Variants in TTN observed in about 807,000 individuals in gnomAD.
TTN encodes titin.
TTN carries 1,525 observed loss-of-function variants against 3,223.0 expected under a neutral mutation model. The ratio of observed to expected loss-of-function variants is 0.47; its 90% CI spans 0.45 to 0.49. The LOEUF (loss-of-function observed/expected upper bound fraction) is 0.49. TTN is among the 20% of genes least tolerant of loss of function. TTN has a pLI of 0.00. For missense variants in TTN, 40,786 were observed against 43,424.0 expected, an observed-to-expected ratio of 0.94 and a Z score of 5.40; for synonymous variants, 14,094 against 15,161.0, an observed-to-expected ratio of 0.93 and a Z score of 5.17.
In TTN at chr2:178,548,619, C is replaced by T. The variant is rs765552665; in HGVS notation, c.93007G>A (p.Gly31003Ser). The T allele has an allele frequency of 6.2e-7, 1 of 1,613,836 alleles. No homozygotes were observed. Among genetic ancestry groups the T allele is most frequent in the Non-Finnish European group, 8.5e-7 (1 of 1,179,800 alleles). Residue 31003 changes from glycine (G) to serine (S), a missense_variant, in exon 339 of 363, where the codon GGT becomes AGT. Coordinates refer to ENST00000589042, the MANE Select transcript of TTN (RefSeq NM_001267550.2). The surrounding 1 kb of genome is among the most constrained non-coding windows in gnomAD (Gnocchi z 4.3). ...ACGGTGAATGTGATTGACTTACTAC[C>T]ACTGTTGTTTTCCACAGTAAGGGTA... The part of the protein sequence containing the change: ...KYTLTVENNS[G>S]SKSITFTVKV...
At chr2:178,640,423 C>T in intron 221 of TTN, 118 bp downstream of exon 221, 1 of 928,540 alleles carries the variant, frequency 1.1e-6, no homozygotes, top group Non-Finnish European at 1.6e-6. Context: ...GAAAATTAAG[C>T]CATATGTGAT....
At chr2:178,596,458 G>A (rs1459422085) in intron 294 of TTN, among the ~76,000 whole-genome samples, 1 of 152,030 alleles carries the variant, frequency 6.6e-6, no homozygotes, top group African/African-American at 2.4e-5. Flanking sequence ...GAGTGGCATA[G>A]TCAGTTTCTA....
chr2:178,671,023 T>C (rs1445756422), intron 156 of TTN, 67 bp downstream of exon 156: 1 of 1,205,300 alleles, frequency 8.3e-7, no homozygotes, highest in Non-Finnish European at 1.2e-6. Flanking sequence ...TGCAAACTTG[T>C]GCTTATAAAG....
chr2:178,706,908 T>A lies in TTN; in HGVS notation c.29088A>T (p.Gly9696=). ...GAGGTTCTGACACAAAAAAGAGTCT[T>A]CCATCTACCGCAGCTTTCTTGGTTG... ...APATKKAAVD[G]RLFFVSEPQS... is the part of the protein sequence containing the mutation. Residue 9696 remains glycine (G), a synonymous_variant, in exon 101 of 363, where the codon GGA becomes GGT. Coordinates refer to ENST00000589042, the MANE Select transcript of TTN (RefSeq NM_001267550.2). 3 of 1,612,592 alleles carry A rather than the reference T, an allele frequency of 1.9e-6. No homozygotes were observed. The highest frequency in any genetic ancestry group is 2.5e-6 in the Non-Finnish European group (3 of 1,179,238).
rs766525114 is a variant in TTN, at chr2:178,689,358, T to C, written c.31943A>G (p.Lys10648Arg). 6.2e-7 allele frequency: 1 copy of C among 1,613,834 alleles called. No homozygotes were observed. The highest frequency in any genetic ancestry group is 1.7e-5 in the Admixed American group (1 of 60,006). The change falls in exon 124 of 363, where the codon AAG (lysine) becomes AGG (arginine). Residue 10648 changes from lysine (K) to arginine (R), a missense_variant. Transcript: ENST00000589042. ...SPPPAVPEIP[K>R]KKVPEERKPV... is the part of the protein sequence containing the mutation. ...TTTCCTTTCTTCAGGAACTTTCTTC[T>C]TTGGTATTTCTGGCACTTAAAGGAT...
Position 178,585,157 on chromosome 2 carries a change from C to T in TTN, c.64587G>A (p.Val21529=), listed in dbSNP as rs1060503969. Residue 21529 remains valine, a synonymous_variant, in exon 309 of 363, where the codon GTG becomes GTA. Coordinates refer to ENST00000589042, the MANE Select transcript of TTN (RefSeq NM_001267550.2). The stretch of plus-strand genomic sequence containing the variant: ...TGTAGTAACCACTGTCTTTCCTAGT[C>T]ACATCTTTTATGATCAGAATTGAAG... The part of the protein sequence containing the change: ...DSSSILIIKD[V]TRKDSGYYSL... 17 of 1,613,258 alleles carry T rather than the reference C, an allele frequency of 1.1e-5. No homozygotes were observed. The highest frequency in any genetic ancestry group is 1.7e-5 in the Admixed American group (1 of 59,984).
At position 178,577,111 on chromosome 2, in the gene TTN, T is replaced by G; in HGVS notation, c.69224A>C (p.Tyr23075Ser). 1 of 1,613,160 alleles carries G rather than the reference T, an allele frequency of 6.2e-7. No individual in the cohort carries two copies. The highest frequency in any genetic ancestry group is 8.5e-7 in the Non-Finnish European group (1 of 1,179,502). Residue 23075 changes from tyrosine (Y) to serine (S), a missense_variant, in exon 324 of 363, where the codon TAT becomes TCT. Transcript: ENST00000589042. ...GCTGGTTTCTCTCTTTTCAAGTATA[T>G]AGGACTTAATTGGTGAGCCGCCATC... Reference protein sequence around the residue: ...LEDGGSPIKSYILEKRETSRL... With the variant: ...LEDGGSPIKSSILEKRETSRL...
In TTN at chr2:178,540,278, A is replaced by G. The variant is rs1553512070; in HGVS notation, c.97888T>C (p.Ser32630Pro). 1 of 1,613,762 alleles carries G rather than the reference A, an allele frequency of 6.2e-7. No individual in the cohort carries two copies. Among genetic ancestry groups the G allele is most frequent in the Non-Finnish European group, 8.5e-7 (1 of 1,179,760 alleles). ...AWSVPEDEGG[S>P]KVTGYLIEMQ... ...TCAATCAAGTAGCCTGTGACTTTAG[A>G]TCCTCCTTCATCTTCTGGAACACTC... is the stretch of plus-strand genomic sequence containing the variant. Residue 32630 changes from serine to proline, a missense_variant, in exon 351 of 363, where the codon TCT (serine) becomes CCT (proline). Ser to Pro is a moderately conservative substitution (Grantham distance 74). Transcript: ENST00000589042.
intron 157 of TTN, 56 bp downstream of exon 157, chr2:178,670,162 T>G (rs1173486156): frequency 8.6e-7 from 1 of 1,166,270 alleles, no homozygotes; most frequent in Non-Finnish European, 1.1e-6. Flanking sequence ...CTCTCTTACA[T>G]AGTAAGTGAA....
In TTN at chr2:178,631,195, C is replaced by A; in HGVS notation, c.43853G>T (p.Trp14618Leu). ...EISKADAPVKWFKDGKEIKPS... is the reference protein window; with the variant it reads ...EISKADAPVKLFKDGKEIKPS... ...CTTTATTTCCTTCCCATCCTTAAAC[C>A]ATTTCACTGGTGCATCTGCTTTGCT... The change falls in exon 237 of 363, where the codon TGG becomes TTG. Residue 14618 changes from tryptophan to leucine, a missense_variant. By Grantham distance (61) the Trp-to-Leu change is moderately conservative. Transcript: ENST00000589042. 6.2e-7 allele frequency: 1 copy of A among 1,613,194 alleles called. No homozygotes were observed. The highest frequency in any genetic ancestry group is 8.5e-7 in the Non-Finnish European group (1 of 1,179,576).
Position 178,608,342 on chromosome 2 carries a change from G to A in TTN, c.52541C>T (p.Thr17514Ile). Residue 17514 changes from threonine to isoleucine, a missense_variant, in exon 275 of 363, where the codon ACA (threonine) becomes ATA (isoleucine). Coordinates refer to ENST00000589042, the MANE Select transcript of TTN (RefSeq NM_001267550.2). ...YWLEKREVNS[T>I]HWSRVNKSLL... ...GCTTTTGTTGACACGAGACCAATGT[G>A]TACTGTTAACTTCACGTTTTTCAAG... 2 of 1,612,306 alleles carry A rather than the reference G, an allele frequency of 1.2e-6. No homozygotes were observed. Among genetic ancestry groups the A allele is most frequent in the Non-Finnish European group, 1.7e-6 (2 of 1,179,148 alleles).
In TTN at chr2:178,774,418, A is replaced by G. The variant is rs1397187132; in HGVS notation, c.6846T>C (p.Tyr2282=). ...ELQDIEVPES[Y]SGELECIVSP... ...ATACAATGCACTCTAATTCTCCTGA[A>G]TATGATTCTGGAACTTCTATGTCCT... The change falls in exon 30 of 363, where the codon TAT becomes TAC. Residue 2282 remains tyrosine, a synonymous_variant. Coordinates refer to ENST00000589042, the MANE Select transcript of TTN (RefSeq NM_001267550.2). 8 of 1,613,856 alleles carry G rather than the reference A, an allele frequency of 5.0e-6. No homozygotes were observed. The highest frequency in any genetic ancestry group is 6.8e-6 in the Non-Finnish European group (8 of 1,179,938).
At chr2:178,578,219 T>G in intron 321 of TTN, 34 bp from the exon 322 acceptor site, 1 of 1,574,968 alleles carries the variant, frequency 6.3e-7, no homozygotes, top group Non-Finnish European at 8.6e-7. Context: ...CAAGTATAAA[T>G]GCAGCTTGAT....
In TTN at chr2:178,663,801, A is replaced by G; in HGVS notation, c.36448+18T>C. On this transcript the variant is annotated intron_variant, in intron 170 of 362. Transcript: ENST00000589042. Reference sequence around the variant, plus strand: ...AGCAAAAGAATGAGATCTGAAGCCTAAGGTCAGTGGCAACTACCTTTAACA... The same window carrying G: ...AGCAAAAGAATGAGATCTGAAGCCTGAGGTCAGTGGCAACTACCTTTAACA... 1 of 1,613,314 alleles carries G rather than the reference A, an allele frequency of 6.2e-7. No homozygotes were observed. The highest frequency in any genetic ancestry group is 8.5e-7 in the Non-Finnish European group (1 of 1,179,716).
chr2:178,536,847 ATTTCC>A (rs887388918), intron 356 of TTN, 86 bp downstream of exon 356: 1 of 1,231,266 alleles, frequency 8.1e-7, no homozygotes, highest in African/African-American at 1.5e-5. Context: ...AATCTTTGCT[ATTTCC>A]TTTCAAAATT....
At chr2:178,641,207 A>C (rs2061189517) in intron 220 of TTN, 34 bp downstream of exon 220, 1 of 1,377,986 alleles carries the variant, frequency 7.3e-7, no homozygotes, top group Non-Finnish European at 9.9e-7. Flanking sequence ...TTTTGTTAAA[A>C]GATAATCTTA....
Position 178,575,605 on chromosome 2 carries a change from C to G in TTN, c.70527G>C (p.Val23509=), listed in dbSNP as rs755940362. ...CAATTCCATATTCATTCTCTGCCATCACTCTGAAGAAATATTCACACCCTT... is the reference window on the plus strand; with the variant it reads ...CAATTCCATATTCATTCTCTGCCATGACTCTGAAGAAATATTCACACCCTT... The part of the protein sequence containing the change: ...LSEGCEYFFR[V]MAENEYGIGE... Residue 23509 remains valine (V), a synonymous_variant, in exon 326 of 363, where the codon GTG becomes GTC. Coordinates refer to ENST00000589042, the MANE Select transcript of TTN (RefSeq NM_001267550.2). The surrounding 1 kb of genome is among the most constrained non-coding windows in gnomAD (Gnocchi z 4.0). 2 of 1,613,640 alleles carry G rather than the reference C, an allele frequency of 1.2e-6. No individual in the cohort carries two copies. Among genetic ancestry groups the G allele is most frequent in the South Asian group, 2.2e-5 (2 of 91,068 alleles).
rs778076110 is a variant in TTN, at chr2:178,684,347, G to A, written c.32705C>T (p.Ala10902Val). The A allele has an allele frequency of 4.3e-5, 69 of 1,613,230 alleles. No homozygotes were observed. Among genetic ancestry groups the A allele is most frequent in the Non-Finnish European group, 5.3e-5 (63 of 1,179,546 alleles). The stretch of plus-strand genomic sequence containing the variant: ...GGATGTACCTCTTGCTTTTGGAGGC[G>A]CCTCTTTTTTAGTTACAGCAACAAG... ...KVLVAVTKKE[A>V]PPKARVPEEP... is the part of the protein sequence containing the mutation. The change falls in exon 132 of 363, where the codon GCG becomes GTG. Residue 10902 changes from alanine to valine, a missense_variant. Physicochemically the swap from Ala to Val is moderately conservative, Grantham distance 64. Transcript: ENST00000589042.
Position 178,727,210 on chromosome 2 carries a change from T to C in TTN, c.20155A>G (p.Ile6719Val). Residue 6719 changes from isoleucine (I) to valine (V), a missense_variant, in exon 69 of 363, where the codon ATT (isoleucine) becomes GTT (valine). Physicochemically the swap from Ile to Val is conservative, Grantham distance 29. Coordinates refer to ENST00000589042, the MANE Select transcript of TTN (RefSeq NM_001267550.2). ...PASDKYRMTF[I>V]DSVAVIQMNN... ...ATCTGTATGACGGCCACTGAGTCAA[T>C]GAAAGTCATTCTGTACTTATCACTG... 1 of 1,613,268 alleles carries C rather than the reference T, an allele frequency of 6.2e-7. No homozygotes were observed. Among genetic ancestry groups the C allele is most frequent in the South Asian group, 1.1e-5 (1 of 91,032 alleles).
Sources: gnomAD v4.1 joint callset for allele counts (sites outside exome capture counted in the v4.1 genomes callset) on GRCh38, gnomAD v4.1.1 for gene constraint, Gnocchi (gnomAD v3.1) non-coding constraint, MANE v1.5 for transcripts, NCBI Gene and HGNC (gene_info 2026-07-23, HGNC 2026-07-21) for gene names.